Variants in HPSE2 observed in about 807,000 individuals in gnomAD.
HPSE2 encodes inactive heparanase-2.
In HPSE2, 38 loss-of-function variants were observed where a neutral mutation model predicts 60.5. The ratio of observed to expected loss-of-function variants is 0.63; its 90% CI spans 0.48 to 0.82. The LOEUF (loss-of-function observed/expected upper bound fraction) is 0.82, where lower values mean the gene tolerates loss of function less well. Ranked by LOEUF, HPSE2 falls within the 40% of genes least tolerant of loss-of-function variation. HPSE2 has a pLI of 0.00. For synonymous variants in HPSE2, 295 were observed against 293.2 expected (o/e 1.01, Z -0.06); for missense variants, 713 against 740.4 (o/e 0.96, Z 0.43).
intron 3 of HPSE2, among the ~76,000 whole-genome samples, chr10:98,888,998 C>T (rs1485945118): frequency 6.6e-6 from 1 of 152,010 alleles, no homozygotes; most frequent in East Asian, 1.9e-4. Context: ...CAAGACCCAC[C>T]TGGGCAAAAT....
At chr10:99,112,045 T>C (rs987663566) in intron 3 of HPSE2, among the ~76,000 whole-genome samples, 2 of 152,198 alleles carry the variant, frequency 1.3e-5, no homozygotes, top group Non-Finnish European at 2.9e-5. Flanking sequence ...TGCTCAAATA[T>C]GGGTTGAGTG....
At chr10:98,494,314 G>A (rs1042546568) in intron 9 of HPSE2, among the ~76,000 whole-genome samples, 1 of 152,172 alleles carries the variant, frequency 6.6e-6, no homozygotes, top group African/African-American at 2.4e-5. Flanking sequence ...CTCACATTCT[G>A]TATTTGTCCC....
chr10:99,016,044 A>T (rs1957133445), intron 3 of HPSE2, among the ~76,000 whole-genome samples: 1 of 152,190 alleles, frequency 6.6e-6, no homozygotes, highest in Non-Finnish European at 1.5e-5. Context: ...TAGTTTAATC[A>T]GATCCCATTT....
rs548693343 is a variant in HPSE2, at chr10:98,696,314, A to C, written c.957-2367T>G. ...CCATAAAAAAAAAAAAAAAAAAAAA[A>C]AAAACCATAATAGCGAGCCAATCCT... On this transcript the variant is annotated intron_variant, in intron 5 of 11. Transcript: ENST00000370552. Among the ~76,000 whole-genome samples, 1,353 of 151,022 alleles carry C rather than the reference A, an allele frequency of 9.0e-3. 26 individuals are homozygous for C. The highest frequency in any genetic ancestry group is 0.03 in the African/African-American group (1,250 of 41,362).
intron 4 of HPSE2, among the ~76,000 whole-genome samples, chr10:98,726,113 G>T (rs1949071329): frequency 6.6e-6 from 1 of 152,140 alleles, no homozygotes; most frequent in South Asian, 2.1e-4. Context: ...AACACCATTT[G>T]ACCCAGCCAT....
chr10:98,868,240 C>T (rs760466946), intron 3 of HPSE2, among the ~76,000 whole-genome samples: 35 of 151,756 alleles, frequency 2.3e-4, no homozygotes, highest in Non-Finnish European at 4.0e-4. Context: ...ATAAGCCAGA[C>T]ACAGAAAGAC....
intron 3 of HPSE2, among the ~76,000 whole-genome samples, chr10:98,814,244 T>C (rs1951234140): frequency 1.3e-5 from 2 of 150,762 alleles, no homozygotes; most frequent in South Asian, 4.1e-4. Flanking sequence ...TATTTTATTT[T>C]CCAGTTATTT....
intron 3 of HPSE2, among the ~76,000 whole-genome samples, chr10:99,053,885 G>A (rs887255863): frequency 4.0e-5 from 6 of 151,006 alleles, no homozygotes; most frequent in Admixed American, 3.3e-4. Flanking sequence ...ACGCTGCCAC[G>A]CCCAGATAAT....
chr10:99,169,986 CAAT>C (rs1847246209), intron 2 of HPSE2, among the ~76,000 whole-genome samples: 1 of 152,060 alleles, frequency 6.6e-6, no homozygotes. Flanking sequence ...CAGCCATATG[CAAT>C]ACATAAATGA....
chr10:98,808,632 T>C (rs1951097306), intron 3 of HPSE2, among the ~76,000 whole-genome samples: 1 of 152,160 alleles, frequency 6.6e-6, no homozygotes. Flanking sequence ...GTAAAGCATG[T>C]TATTTTATAA....
intron 3 of HPSE2, among the ~76,000 whole-genome samples, chr10:99,012,062 A>G (rs1957030462): frequency 6.6e-6 from 1 of 151,900 alleles, no homozygotes; most frequent in African/African-American, 2.4e-5. Flanking sequence ...ATTCACTTTA[A>G]CTGCTTGACA....
intron 6 of HPSE2, among the ~76,000 whole-genome samples, chr10:98,649,281 G>A (rs965552144): frequency 6.6e-6 from 1 of 152,184 alleles, no homozygotes; most frequent in Non-Finnish European, 1.5e-5. Flanking sequence ...AGGAGAAAGA[G>A]GAAGGGAGGA....
At chr10:98,955,904 A>C (rs1181483470) in intron 3 of HPSE2, among the ~76,000 whole-genome samples, 1 of 152,120 alleles carries the variant, frequency 6.6e-6, no homozygotes, top group Non-Finnish European at 1.5e-5. Context: ...GGAGCTGAAC[A>C]ACAAGAACAC....
chr10:99,238,155 C>G (rs1295272937), upstream of HPSE2, among the ~76,000 whole-genome samples: 1 of 152,036 alleles, frequency 6.6e-6, no homozygotes, highest in African/African-American at 2.4e-5. Context: ...AACAATGAGC[C>G]AGATTTTCCA....
chr10:98,996,549 T>C (rs1034560881), intron 3 of HPSE2, among the ~76,000 whole-genome samples: 6 of 152,208 alleles, frequency 3.9e-5, no homozygotes, highest in Non-Finnish European at 7.3e-5. Flanking sequence ...GGTGTGTCCA[T>C]AGAAGCTTTA....
intron 3 of HPSE2, among the ~76,000 whole-genome samples, chr10:98,759,812 T>C (rs1949965110): frequency 6.6e-6 from 1 of 152,146 alleles, no homozygotes; most frequent in Non-Finnish European, 1.5e-5. Flanking sequence ...TAGAATTGTT[T>C]TACTATTTCT....
Position 98,524,505 on chromosome 10 carries a change from G to C in HPSE2, c.1321-34309C>G, listed in dbSNP as rs963813366. The stretch of plus-strand genomic sequence containing the variant: ...ATTCTAAGTAACACAAACAACCAAA[G>C]AGCCTGATCATATCCTTTCTTCCTC... On this transcript the variant is annotated intron_variant, in intron 9 of 11. Coordinates refer to ENST00000370552, the MANE Select transcript of HPSE2 (RefSeq NM_021828.5). 5.3e-5 allele frequency among the ~76,000 whole-genome samples: 8 copies of C among 152,260 alleles called. No homozygotes were observed. The East Asian group carries it at 1.4e-3, about 26-fold the overall frequency.
intron 6 of HPSE2, among the ~76,000 whole-genome samples, chr10:98,655,640 A>G (rs1460865367): frequency 1.3e-5 from 2 of 152,114 alleles, no homozygotes; most frequent in Non-Finnish European, 2.9e-5. Flanking sequence ...ACAACTTCCT[A>G]TTTTCATGTT....
At chr10:98,795,747 T>C (rs755449057) in intron 3 of HPSE2, among the ~76,000 whole-genome samples, 2 of 152,220 alleles carry the variant, frequency 1.3e-5, no homozygotes, top group Non-Finnish European at 2.9e-5. Context: ...TCAGTGCAGC[T>C]AGTAGCAATG....
Sources: allele counts gnomAD v4.1 joint callset (sites outside exome capture counted in the v4.1 genomes callset), GRCh38; gene constraint gnomAD v4.1.1; transcripts MANE v1.5; gene names NCBI Gene and HGNC (gene_info 2026-07-23, HGNC 2026-07-21).